RABEP1: variants seen among roughly 807,000 people sequenced by gnomAD.
The protein encoded by RABEP1 is rab GTPase-binding effector protein 1.
Under a neutral mutation model 123.4 loss-of-function variants are expected in RABEP1, and 51 were observed. The observed-to-expected ratio is 0.41, with a 90% CI of 0.33 to 0.52. RABEP1 has a LOEUF of 0.52. Ranked by LOEUF, RABEP1 falls within the 20% of genes least tolerant of loss-of-function variation. The probability of loss-of-function intolerance (pLI) is 0.16; values close to 1 mark genes in which losing one functional copy is unlikely to be tolerated. For synonymous variants in RABEP1, 347 were observed against 355.2 expected (o/e 0.98, Z 0.26); for missense variants, 888 against 996.3 (o/e 0.89, Z 1.46).
At position 5,321,926 on chromosome 17, in the gene RABEP1, C is replaced by T. The variant is rs561503722; in HGVS notation, c.164-10023C>T. ...TAAAAATTAGCCAGGAAGCTGGGTG[C>T]GGTGGCTCACGCCTCTAATCCCAGC... On this transcript the variant is annotated intron_variant, in intron 2 of 17. Transcript: ENST00000537505. 6.6e-5 allele frequency among the ~76,000 whole-genome samples: 10 copies of T among 152,294 alleles called. No individual in the cohort carries two copies. In the East Asian group the frequency reaches 9.6e-4, roughly 15 times the overall value.
At chr17:5,366,122 C>T (rs1287856867) in intron 11 of RABEP1, among the ~76,000 whole-genome samples, 1 of 152,152 alleles carries the variant, frequency 6.6e-6, no homozygotes, top group East Asian at 1.9e-4. Context: ...ATGAGAGTTC[C>T]TGTGGTTCCA....
At chr17:5,343,492 G>A (rs1033150990) in intron 5 of RABEP1, among the ~76,000 whole-genome samples, 8 of 151,924 alleles carry the variant, frequency 5.3e-5, no homozygotes, top group African/African-American at 1.9e-4. Context: ...CCCAGGAGGT[G>A]GAAGTTGCAG....
intron 8 of RABEP1, among the ~76,000 whole-genome samples, chr17:5,360,374 A>C (rs946441757): frequency 3.3e-5 from 5 of 152,246 alleles, no homozygotes; most frequent in African/African-American, 7.2e-5. Context: ...CATCCTGGCC[A>C]ACATGGTGAA....
At chr17:5,287,425 C>T (rs1490583270) in intron 1 of RABEP1, among the ~76,000 whole-genome samples, 1 of 151,918 alleles carries the variant, frequency 6.6e-6, no homozygotes, top group East Asian at 1.9e-4. Flanking sequence ...ATGGTGAAAC[C>T]CAATCTCTAC....
chr17:5,286,369 C>G (rs571211931), intron 1 of RABEP1, among the ~76,000 whole-genome samples: 1 of 152,224 alleles, frequency 6.6e-6, no homozygotes, highest in African/African-American at 2.4e-5. Context: ...TGGTGCGCAC[C>G]TGTAGTCCCA....
intron 2 of RABEP1, among the ~76,000 whole-genome samples, chr17:5,315,859 A>G (rs1177362578): frequency 1.3e-5 from 2 of 152,226 alleles, no homozygotes; most frequent in African/African-American, 4.8e-5. Flanking sequence ...CTCAAAAAAC[A>G]AAACAAAACA....
chr17:5,362,917 T>C lies in RABEP1; in HGVS notation c.1569T>C (p.His523=). 6.2e-7 allele frequency: 1 copy of C among 1,611,938 alleles called. No individual in the cohort carries two copies. Among genetic ancestry groups the C allele is most frequent in the Non-Finnish European group, 8.5e-7 (1 of 1,177,960 alleles). The change falls in exon 10 of 18, where the codon CAT becomes CAC. Residue 523 remains histidine (H), a synonymous_variant. Transcript: ENST00000537505. ...GTAATTTTGGTGCCCTTCAGGTACA[T>C]AATGCTGGAAATAAACTTGGTAGAC... The part of the protein sequence containing the change: ...TEWNLLQKEV[H]NAGNKLGRRC...
intron 1 of RABEP1, among the ~76,000 whole-genome samples, chr17:5,300,689 T>G (rs2075128495): frequency 6.6e-6 from 1 of 152,206 alleles, no homozygotes; most frequent in Admixed American, 6.5e-5. Flanking sequence ...TATTATTGTT[T>G]AATCATTGCT....
chr17:5,333,600 C>CTAGAG (rs1325789558), intron 3 of RABEP1, among the ~76,000 whole-genome samples: 1 of 152,096 alleles, frequency 6.6e-6, no homozygotes, highest in African/African-American at 2.4e-5. Context: ...TAGCTATGGC[C>CTAGAG]TAGAGATTAC....
chr17:5,282,715 G>C (rs1293388929), intron 1 of RABEP1, among the ~76,000 whole-genome samples, 195 bp downstream of exon 1: 1 of 148,650 alleles, frequency 6.7e-6, no homozygotes, highest in African/African-American at 2.4e-5. Flanking sequence ...CGCTGGGGAG[G>C]GGGCGGGAGG....
In RABEP1 at chr17:5,383,656, G is replaced by A. The variant is rs751807609; in HGVS notation, c.*433G>A. ...GCTCATCAGTAACAGTATTCAGTTA[G>A]CAGACAGAAGTGTAGTATGCTGTAT... On this transcript the variant is annotated 3_prime_UTR_variant, in exon 18 of 18. Coordinates refer to ENST00000537505, the MANE Select transcript of RABEP1 (RefSeq NM_004703.6). The A allele has an allele frequency of 8.3e-6, 2 of 240,352 alleles. No homozygotes were observed. Among genetic ancestry groups the A allele is most frequent in the Non-Finnish European group, 1.6e-5 (2 of 121,956 alleles). The allele number at this position is 240,352 out of a possible 1,614,324, so 14.9% of individuals were successfully genotyped here. A position where few individuals can be genotyped will look rare whatever the true frequency, so the allele number is the denominator to read the frequency against.
At chr17:5,308,856 G>A (rs773276164) in intron 2 of RABEP1, 34 bp downstream of exon 2, 59 of 1,547,252 alleles carry the variant, frequency 3.8e-5, no homozygotes, top group African/African-American at 1.4e-4. Context: ...ACTTCAATGC[G>A]AAAACTGCCT....
Position 5,299,742 on chromosome 17 carries a change from TTTTTTG to T in RABEP1, c.35-8951_35-8946del, listed in dbSNP as rs1392519567. Among the ~76,000 whole-genome samples the T allele has an allele frequency of 5.3e-4, 70 of 132,706 alleles. 7 individuals are homozygous for T. In the South Asian group the frequency reaches 7.9e-3, roughly 15 times the overall value. The allele number at this position is 132,706 out of a possible 152,430, so 87.1% of individuals were successfully genotyped here. ...TTCTTTTTCTTTTTCTTTTTTTTTTTTTTTTGGAGGCAGAGTCTCTCCTTGTCGCCA... is the reference window on the plus strand; with the variant it reads ...TTCTTTTTCTTTTTCTTTTTTTTTTTGAGGCAGAGTCTCTCCTTGTCGCCA... On this transcript the variant is annotated intron_variant, in intron 1 of 17. Coordinates refer to ENST00000537505, the MANE Select transcript of RABEP1 (RefSeq NM_004703.6).
rs773023447 is a variant in RABEP1, at chr17:5,367,818, G to A, written c.1786-552G>A. Among the ~76,000 whole-genome samples, 86 of 150,510 alleles carry A rather than the reference G, an allele frequency of 5.7e-4. 1 individual carries two copies. The highest frequency in any genetic ancestry group is 6.2e-4 in the Non-Finnish European group (42 of 67,686). ...TTGCCCAGGCTAGAGTACAGGGTGC[G>A]TTCTGGGCTCACTGCAACCTCTGCC... On this transcript the variant is annotated intron_variant, in intron 11 of 17. Transcript: ENST00000537505.
intron 1 of RABEP1, among the ~76,000 whole-genome samples, chr17:5,288,521 A>G (rs2075000938): frequency 1.3e-5 from 2 of 151,904 alleles, no homozygotes. Flanking sequence ...TCAGCCTCCC[A>G]AGTAGCTGGG....
In RABEP1 at chr17:5,282,506, C is replaced by A; in HGVS notation, c.20C>A (p.Ala7Asp). The change falls in exon 1 of 18, where the codon GCT becomes GAT. Residue 7 changes from alanine to aspartate, a missense_variant. Transcript: ENST00000537505. ...CTGGTCATGGCGCAGCCGGGCCCGG[C>A]TTCCCAGCCTGACGGTGAGGCGCCC... MAQPGP[A>D]SQPDVSLQQR... The A allele has an allele frequency of 7.9e-7, 1 of 1,259,610 alleles. No homozygotes were observed. Among genetic ancestry groups the A allele is most frequent in the Non-Finnish European group, 1.0e-6 (1 of 1,001,628 alleles). The allele number at this position is 1,259,610 out of a possible 1,614,324, so 78.0% of individuals were successfully genotyped here.
intron 8 of RABEP1, among the ~76,000 whole-genome samples, chr17:5,358,842 C>T (rs1434485303): frequency 1.3e-5 from 2 of 152,164 alleles, no homozygotes; most frequent in Non-Finnish European, 2.9e-5. Flanking sequence ...CTCACTACAG[C>T]CCCGATCTCC....
chr17:5,296,829 C>T (rs760641883), intron 1 of RABEP1, among the ~76,000 whole-genome samples: 2 of 152,186 alleles, frequency 1.3e-5, no homozygotes, highest in South Asian at 2.1e-4. Context: ...TCACGGTAGC[C>T]TTGACCCCGT....
At chr17:5,282,562 C>CCGGCGT in intron 1 of RABEP1, 42 bp downstream of exon 1, 2 of 1,136,432 alleles carry the variant, frequency 1.8e-6, no homozygotes, top group Non-Finnish European at 2.2e-6. Context: ...CGCGGCCTGC[C>CCGGCGT]CGGCGTCGGC....
Sources: allele counts gnomAD v4.1 joint callset (sites outside exome capture counted in the v4.1 genomes callset), GRCh38; gene constraint gnomAD v4.1.1; transcripts MANE v1.5; gene names NCBI Gene and HGNC (gene_info 2026-07-23, HGNC 2026-07-21).